The following VPS54 variants were observed in gnomAD, a reference collection of about 807,000 sequenced individuals.
The protein encoded by VPS54 is vacuolar protein sorting-associated protein 54.
In VPS54, 45 loss-of-function variants were observed where a neutral mutation model predicts 121.5. The observed-to-expected ratio is 0.37, with a 90% confidence interval of 0.29 to 0.47. The LOEUF is 0.47. VPS54 is among the 20% of genes least tolerant of loss of function. The pLI is 0.99. For synonymous variants in VPS54, 371 were observed against 385.8 expected (o/e 0.96, Z 0.45); for missense variants, 1,090 against 1,131.4 (o/e 0.96, Z 0.52).
intron 4 of VPS54, among the ~76,000 whole-genome samples, chr2:63,970,088 T>C (rs1676194395): frequency 6.6e-6 from 1 of 151,548 alleles, no homozygotes; most frequent in Admixed American, 6.6e-5. Flanking sequence ...CTCCTGCCTC[T>C]GCTGTGAGCT....
At chr2:64,004,901 C>T (rs955898503) in intron 1 of VPS54, among the ~76,000 whole-genome samples, 2 of 152,042 alleles carry the variant, frequency 1.3e-5, no homozygotes, top group African/African-American at 4.8e-5. Flanking sequence ...ACCTCAGCCT[C>T]CTGAGTAGCT....
In VPS54 at chr2:63,893,180, T is replaced by C; in HGVS notation, c.*250A>G. On this transcript the variant is annotated 3_prime_UTR_variant, in exon 23 of 23. Transcript: ENST00000272322. ...TTTGGTCCAAAGAAACCTGAGTCTG[T>C]TTCCAGAGAGAATGAAAAATGTTAT... 1.9e-6 allele frequency: 1 copy of C among 533,080 alleles called. No individual in the cohort carries two copies. Among genetic ancestry groups the C allele is most frequent in the Non-Finnish European group, 3.4e-6 (1 of 293,858 alleles). 33.0% of individuals were successfully genotyped at this position (533,080 alleles called of 1,614,324 possible).
At chr2:63,944,502 TA>T in intron 10 of VPS54, 97 bp downstream of exon 10, 1 of 1,205,904 alleles carries the variant, frequency 8.3e-7, no homozygotes, top group Non-Finnish European at 1.2e-6. Context: ...CACACCTTAG[TA>T]AATAATTCCT....
At chr2:64,010,890 GA>G (rs1445485287) in intron 1 of VPS54, among the ~76,000 whole-genome samples, 1 of 152,172 alleles carries the variant, frequency 6.6e-6, no homozygotes, top group Non-Finnish European at 1.5e-5. Context: ...AAGGAACCCA[GA>G]AAATAAGAAC....
intron 1 of VPS54, among the ~76,000 whole-genome samples, chr2:64,003,635 G>A (rs143267713): frequency 1.3e-5 from 2 of 149,444 alleles, no homozygotes; most frequent in Non-Finnish European, 3.0e-5. Flanking sequence ...AGACAAAACA[G>A]ACAGACAGCT....
chr2:63,892,255 G>A lies in VPS54; in HGVS notation c.*1175C>T, dbSNP rs1672250192. On this transcript the variant is annotated 3_prime_UTR_variant, in exon 23 of 23. Transcript: ENST00000272322. ...AGCTTTCCTTTTAAGAAACCAAAGA[G>A]CACAAAATAAGACTGTTTCATTATA... 2 of 152,162 alleles carry A rather than the reference G, an allele frequency of 1.3e-5. No homozygotes were observed. The highest frequency in any genetic ancestry group is 3.4e-3 in the Middle Eastern group (1 of 294). The allele number at this position is 152,162 out of a possible 1,614,324, so 9.4% of individuals were successfully genotyped here.
At chr2:63,975,147 G>T (rs779262222) in intron 3 of VPS54, 108 of 920,402 alleles carry the variant, frequency 1.2e-4, no homozygotes, top group Non-Finnish European at 1.7e-4. Flanking sequence ...CTGGGTCCAA[G>T]TGATTCTCAT....
At chr2:63,898,671 C>G (rs530103040) in intron 21 of VPS54, among the ~76,000 whole-genome samples, 114 of 152,002 alleles carry the variant, frequency 7.5e-4, no homozygotes, top group Non-Finnish European at 1.3e-3. Context: ...GTCTGAATAG[C>G]AGAAATCTCA....
At chr2:63,947,580 G>C (rs1223490568) in intron 8 of VPS54, 90 bp from the exon 9 acceptor site, 10 of 1,068,588 alleles carry the variant, frequency 9.4e-6, no homozygotes, top group South Asian at 1.8e-5. Context: ...AGTTCTGTTT[G>C]ATCCTCAGAT....
intron 7 of VPS54, among the ~76,000 whole-genome samples, chr2:63,951,449 C>A (rs1675239326): frequency 6.6e-6 from 1 of 151,948 alleles, no homozygotes; most frequent in Non-Finnish European, 1.5e-5. Context: ...TACTGTGATA[C>A]TCAATTTACT....
chr2:64,007,101 T>C (rs1678195442), intron 1 of VPS54, among the ~76,000 whole-genome samples: 1 of 152,068 alleles, frequency 6.6e-6, no homozygotes, highest in Non-Finnish European at 1.5e-5. Context: ...AAAACAGCAA[T>C]AACAAACTAA....
chr2:63,996,579 A>G (rs868715600), intron 1 of VPS54, among the ~76,000 whole-genome samples: 1 of 152,376 alleles, frequency 6.6e-6, no homozygotes, highest in African/African-American at 2.4e-5. Context: ...GGACAGAGCC[A>G]TATTTCTCTT....
At chr2:63,982,565 C>T (rs1676846704) in intron 2 of VPS54, among the ~76,000 whole-genome samples, 1 of 152,150 alleles carries the variant, frequency 6.6e-6, no homozygotes, top group African/African-American at 2.4e-5. Context: ...TTTAAAGACG[C>T]CTTATTCAGT....
At chr2:63,978,528 A>C (rs1160288490) in intron 3 of VPS54, among the ~76,000 whole-genome samples, 1 of 152,242 alleles carries the variant, frequency 6.6e-6, no homozygotes, top group African/African-American at 2.4e-5. Flanking sequence ...AGAATTCACC[A>C]GTGAAGCCAT....
chr2:63,997,833 G>A (rs1178507502), intron 1 of VPS54, among the ~76,000 whole-genome samples: 1 of 151,682 alleles, frequency 6.6e-6, no homozygotes, highest in African/African-American at 2.4e-5. Context: ...GGCACTTATA[G>A]CTATAAACTT....
intron 7 of VPS54, among the ~76,000 whole-genome samples, chr2:63,956,261 T>A (rs958446266): frequency 6.6e-6 from 1 of 152,160 alleles, no homozygotes; most frequent in African/African-American, 2.4e-5. Context: ...AAATAACATG[T>A]TAAATACCTT....
At chr2:63,975,153 C>G (rs1676466896) in intron 3 of VPS54, 2 of 841,344 alleles carry the variant, frequency 2.4e-6, no homozygotes, top group South Asian at 4.6e-5. Context: ...CCAAGTGATT[C>G]TCATGCCTCA....
chr2:63,992,710 C>A (rs908905590), intron 1 of VPS54, among the ~76,000 whole-genome samples: 1 of 152,218 alleles, frequency 6.6e-6, no homozygotes, highest in African/African-American at 2.4e-5. Flanking sequence ...TGGATGGTAA[C>A]CAATTTAAGG....
chr2:63,987,812 TTC>T (rs1401386138), intron 1 of VPS54, among the ~76,000 whole-genome samples: 1 of 152,212 alleles, frequency 6.6e-6, no homozygotes, highest in Non-Finnish European at 1.5e-5. Flanking sequence ...CTTTCTTGAT[TTC>T]TTTTTCACAT....
Sources: allele counts gnomAD v4.1 joint callset (sites outside exome capture counted in the v4.1 genomes callset), GRCh38; gene constraint gnomAD v4.1.1; transcripts MANE v1.5; gene names NCBI Gene and HGNC (gene_info 2026-07-23, HGNC 2026-07-21).